ZNF69: variants seen among roughly 807,000 people sequenced by gnomAD.
ZNF69 encodes the protein ZNF3.
In ZNF69, 47 loss-of-function variants were observed where a neutral mutation model predicts 50.9. The ratio of observed to expected loss-of-function variants is 0.92; its 90% CI spans 0.73 to 1.18. The LOEUF is 1.18. Ranked by LOEUF, ZNF69 falls within the 50% of genes most tolerant of loss-of-function variation. The pLI, the probability that ZNF69 is intolerant of heterozygous loss-of-function variation, is 0.00. For missense variants in ZNF69, 717 were observed against 675.1 expected (o/e 1.06, Z -0.69); for synonymous variants, 216 against 223.1 (o/e 0.97, Z 0.29).
chr19:11,978,308 C>T, the ZNF69 span: 2 of 1,614,122 alleles, frequency 1.2e-6, no homozygotes, highest in South Asian at 1.1e-5. Context: ...TCAGAGGTGA[C>T]ATTGGGCACA....
the ZNF69 span, among the ~76,000 whole-genome samples, chr19:11,974,641 C>T: frequency 1.4e-5 from 2 of 147,940 alleles, no homozygotes; most frequent in African/African-American, 2.5e-5. Context: ...CTGGCTCTGT[C>T]GCCCAGGCTG....
chr19:11,974,069 T>TTTTCTTTCTTTCTTTTCTTTC, the ZNF69 span, among the ~76,000 whole-genome samples: 5 of 114,852 alleles, frequency 4.4e-5, no homozygotes, highest in African/African-American at 1.3e-4. Flanking sequence ...TCCTTCTTTC[T>TTTTCTTTCTTTCTTTTCTTTC]TTTCTTTCTT....
At chr19:11,947,644 G>T in the ZNF69 span, 1 of 1,370,040 alleles carries the variant, frequency 7.3e-7, no homozygotes, top group Non-Finnish European at 1.0e-6. Flanking sequence ...ATGTTGAAGA[G>T]AAGTAAAACA....
the ZNF69 span, among the ~76,000 whole-genome samples, chr19:11,959,146 CA>C: frequency 6.6e-6 from 1 of 152,180 alleles, no homozygotes; most frequent in Non-Finnish European, 1.5e-5. Context: ...CTCAGCCTCC[CA>C]AAGTTCTGGG....
At chr19:11,924,687 C>G in the ZNF69 span, among the ~76,000 whole-genome samples, 1 of 152,076 alleles carries the variant, frequency 6.6e-6, no homozygotes, top group African/African-American at 2.4e-5. Flanking sequence ...CCGGCCCGCT[C>G]GAGGACATAT....
chr19:11,952,282 G>A, the ZNF69 span, among the ~76,000 whole-genome samples: 2 of 152,190 alleles, frequency 1.3e-5, no homozygotes, highest in Non-Finnish European at 2.9e-5. Context: ...TTCCTAAAAT[G>A]TATGGGCACT....
At chr19:11,947,479 T>G in the ZNF69 span, 1 of 1,606,768 alleles carries the variant, frequency 6.2e-7, no homozygotes, top group Non-Finnish European at 8.5e-7. Flanking sequence ...AATTTTATAC[T>G]GCTTCAGGAC....
chr19:11,943,799 ACAAGTC>A, the ZNF69 span, among the ~76,000 whole-genome samples: 1 of 152,234 alleles, frequency 6.6e-6, no homozygotes, highest in Admixed American at 6.5e-5. Flanking sequence ...TCCTTATTCT[ACAAGTC>A]CAAATTTTAA....
At chr19:11,963,271 G>A in the ZNF69 span, among the ~76,000 whole-genome samples, 1 of 152,108 alleles carries the variant, frequency 6.6e-6, no homozygotes, top group African/African-American at 2.4e-5. Context: ...AAACAAAGAT[G>A]TATGGAGTTG....
the ZNF69 span, among the ~76,000 whole-genome samples, chr19:11,957,924 A>G: frequency 6.6e-6 from 1 of 152,140 alleles, no homozygotes; most frequent in Non-Finnish European, 1.5e-5. Flanking sequence ...CATTTTGACT[A>G]AAGATCACTA....
At chr19:11,976,412 C>T in the ZNF69 span, among the ~76,000 whole-genome samples, 22 of 151,726 alleles carry the variant, frequency 1.4e-4, no homozygotes, top group African/African-American at 3.6e-4. Flanking sequence ...ATGAACCAGC[C>T]GAGCATGGTG....
chr19:11,936,620 T>A, the ZNF69 span, among the ~76,000 whole-genome samples: 1 of 152,210 alleles, frequency 6.6e-6, no homozygotes, highest in Non-Finnish European at 1.5e-5. Context: ...TGCAAAAATT[T>A]TCTCTCATTC....
At chr19:11,961,576 A>G in the ZNF69 span, 1 of 152,132 alleles carries the variant, frequency 6.6e-6, no homozygotes, top group African/African-American at 2.4e-5. Flanking sequence ...ACTGCTGGTA[A>G]TAGTAGTGAT....
At chr19:11,914,757 C>T (rs117047552), downstream of ZNF69, among the ~76,000 whole-genome samples, 1,934 of 152,290 alleles carry the variant, frequency 0.013, 23 homozygotes, top group South Asian at 0.025. Flanking sequence ...AGATCAAAAT[C>T]CAGGCACCAC....
chr19:11,947,694 T>C, the ZNF69 span: 143 of 1,043,396 alleles, frequency 1.4e-4, no homozygotes, highest in Non-Finnish European at 2.0e-4. Context: ...CTTCTTAGAA[T>C]ATTTTCTCAA....
rs189170337 is a variant in ZNF69 at position 11,906,599 on chromosome 19, C to T, written c.*501C>T. ...GGACCTCAAGCAAAATCCAACAGAC[C>T]TCAGCTGAGGGTCCTGACTGTTAGA... On this transcript the variant is annotated 3_prime_UTR_variant, in exon 4 of 4. Coordinates refer to ENST00000429654, the MANE Select transcript of ZNF69 (RefSeq NM_001364730.1). 8.7e-4 allele frequency among the ~76,000 whole-genome samples: 133 copies of T among 152,302 alleles called. 3 individuals are homozygous for T. Among genetic ancestry groups the T allele is most frequent in the African/African-American group, 2.9e-3 (121 of 41,568 alleles).
At chr19:11,950,587 GA>G in the ZNF69 span, 1 of 500,186 alleles carries the variant, frequency 2.0e-6, no homozygotes, top group Non-Finnish European at 3.8e-6. Context: ...CAACGGCATG[GA>G]AGGGTTCACA....
At position 11,887,963 on chromosome 19, in the gene ZNF69, G is replaced by C; in HGVS notation, c.40G>C (p.Gly14Arg). Reference sequence around the variant, plus strand: ...TCACAGGAGGTGTAGAGAGGACCCCGGGACATCTGAAAGCCAGGAAATGGT... The same window carrying C: ...TCACAGGAGGTGTAGAGAGGACCCCCGGACATCTGAAAGCCAGGAAATGGT... ...CSHRRCREDPGTSESQEMDPV... is the reference protein window; with the variant it reads ...CSHRRCREDPRTSESQEMDPV... Residue 14 changes from glycine to arginine, a missense_variant, in exon 1 of 4, where the codon GGG becomes CGG. Transcript: ENST00000429654. 1 of 1,612,590 alleles carries C rather than the reference G, an allele frequency of 6.2e-7. No homozygotes were observed. The highest frequency in any genetic ancestry group is 8.5e-7 in the Non-Finnish European group (1 of 1,178,986).
the ZNF69 span, chr19:11,925,093 G>A: frequency 1.7e-5 from 20 of 1,174,382 alleles, no homozygotes; most frequent in Non-Finnish European, 2.4e-5. Flanking sequence ...TCCGGAAATG[G>A]AGGGGGTCGC....
Sources: allele counts gnomAD v4.1 joint callset (sites outside exome capture counted in the v4.1 genomes callset), GRCh38; gene constraint gnomAD v4.1.1; transcripts MANE v1.5; gene names NCBI Gene and HGNC (gene_info 2026-07-23, HGNC 2026-07-21).